The following UTRN variants were observed in gnomAD, a reference collection of about 807,000 sequenced individuals.
UTRN encodes utrophin.
In UTRN, 283 loss-of-function variants were observed where a neutral mutation model predicts 463.9. The observed-to-expected ratio is 0.61, with a 90% CI of 0.55 to 0.67. The LOEUF (loss-of-function observed/expected upper bound fraction) is 0.67. Among genes scored for constraint, UTRN ranks in the 30% least tolerant of loss-of-function variants. The pLI, the probability that UTRN is intolerant of heterozygous loss-of-function variation, is 0.00. For synonymous variants in UTRN, 1,442 were observed against 1,431.5 expected, an observed-to-expected ratio of 1.01 and a Z score of -0.17; for missense variants, 3,922 against 4,084.3, an observed-to-expected ratio of 0.96 and a Z score of 1.08.
intron 2 of UTRN, among the ~76,000 whole-genome samples, chr6:144,332,813 C>A (rs1776431063): frequency 6.6e-6 from 1 of 151,962 alleles, no homozygotes; most frequent in Admixed American, 6.6e-5. Context: ...GTGCTTTGAA[C>A]ACTTTATTCT....
intron 51 of UTRN, among the ~76,000 whole-genome samples, chr6:144,586,191 T>C (rs901920180): frequency 1.3e-5 from 2 of 152,112 alleles, no homozygotes; most frequent in Non-Finnish European, 2.9e-5. Flanking sequence ...GTGGGTTTTC[T>C]TGTATGTTTC....
At chr6:144,808,276 G>A (rs932317637) in intron 65 of UTRN, among the ~76,000 whole-genome samples, 1 of 113,776 alleles carries the variant, frequency 8.8e-6, no homozygotes, top group Non-Finnish European at 1.6e-5. Context: ...CAAGAGAGTA[G>A]TCAATTTTTT....
chr6:144,586,469 A>C (rs1470773142), intron 51 of UTRN, among the ~76,000 whole-genome samples: 2 of 152,146 alleles, frequency 1.3e-5, no homozygotes, highest in Non-Finnish European at 2.9e-5. Flanking sequence ...TTGTTTGCTT[A>C]GTTTCTTTAA....
intron 25 of UTRN, among the ~76,000 whole-genome samples, chr6:144,477,734 AG>A (rs1791384719): frequency 4.6e-5 from 7 of 152,162 alleles, no homozygotes; most frequent in African/African-American, 1.7e-4. Flanking sequence ...CTCTTATCCT[AG>A]CTAAATTCAA....
At chr6:144,745,586 A>ATTATGTAAT (rs1790637658) in intron 54 of UTRN, among the ~76,000 whole-genome samples, 1 of 152,132 alleles carries the variant, frequency 6.6e-6, no homozygotes, top group African/African-American at 2.4e-5. Flanking sequence ...TTGAGTGGGG[A>ATTATGTAAT]TTATGTAATA....
chr6:144,773,543 A>C (rs1775043931), intron 59 of UTRN, among the ~76,000 whole-genome samples: 1 of 152,244 alleles, frequency 6.6e-6, no homozygotes, highest in Non-Finnish European at 1.5e-5. Context: ...GAAAAGCACA[A>C]GAAATTTACT....
In UTRN at chr6:144,516,231, G is replaced by A. The variant is rs771965445; in HGVS notation, c.5247G>A (p.Leu1749=). The part of the protein sequence containing the change: ...KVSQHIKSAK[L]LIAQEPLYQC... ...AGAGAATTCTTTTCCTTCTACAGTTGCTAATTGCTCAGGAACCATTATACC... is the reference window on the plus strand; with the variant it reads ...AGAGAATTCTTTTCCTTCTACAGTTACTAATTGCTCAGGAACCATTATACC... The change falls in exon 38 of 75, where the codon TTG becomes TTA. Residue 1749 remains leucine, a splice_region_variant and synonymous_variant. Transcript: ENST00000367545. 1.2e-5 allele frequency: 19 copies of A among 1,610,864 alleles called. No homozygotes were observed. The highest frequency in any genetic ancestry group is 1.6e-5 in the Non-Finnish European group (19 of 1,179,350).
intron 2 of UTRN, among the ~76,000 whole-genome samples, chr6:144,356,914 G>A (rs1257264843): frequency 1.5e-5 from 2 of 134,900 alleles, no homozygotes; most frequent in Non-Finnish European, 3.1e-5. Flanking sequence ...CACACATACT[G>A]TTTATCAAGA....
At chr6:144,570,321 G>C (rs1800820970) in intron 50 of UTRN, among the ~76,000 whole-genome samples, 1 of 152,134 alleles carries the variant, frequency 6.6e-6, no homozygotes, top group Non-Finnish European at 1.5e-5. Flanking sequence ...CCACTCAGAG[G>C]ATTAATAATT....
At position 144,400,668 on chromosome 6, in the gene UTRN, T is replaced by C. The variant is rs149946417; in HGVS notation, c.80-2455T>C. Among the ~76,000 whole-genome samples, 210 of 152,296 alleles carry C rather than the reference T, an allele frequency of 1.4e-3. 1 individual carries two copies. Among genetic ancestry groups the C allele is most frequent in the African/African-American group, 4.7e-3 (197 of 41,574 alleles). ...AAAATGCAAACTAGTCTTTGAAATATGTACTCCCTTTTCCCCATTTTTAAC... is the reference window on the plus strand; with the variant it reads ...AAAATGCAAACTAGTCTTTGAAATACGTACTCCCTTTTCCCCATTTTTAAC... On this transcript the variant is annotated intron_variant, in intron 2 of 74. Coordinates refer to ENST00000367545, the MANE Select transcript of UTRN (RefSeq NM_007124.3).
chr6:144,426,562 T>C, intron 7 of UTRN, 103 bp downstream of exon 7: 1 of 1,185,330 alleles, frequency 8.4e-7, no homozygotes, highest in African/African-American at 1.6e-5. Flanking sequence ...CCAGTGCCAC[T>C]GCTCTCCTTT....
At chr6:144,720,149 C>G (rs1786959729) in intron 53 of UTRN, among the ~76,000 whole-genome samples, 1 of 152,236 alleles carries the variant, frequency 6.6e-6, no homozygotes, top group Admixed American at 6.5e-5. Context: ...TCAGTGATGT[C>G]AGCAACCCAG....
chr6:144,301,536 CTTTTTTTTTTTTTTTT>C (rs200484231), intron 2 of UTRN, among the ~76,000 whole-genome samples: 3 of 92,744 alleles, frequency 3.2e-5, no homozygotes, highest in Non-Finnish European at 4.3e-5. Context: ...TTCTTTCTTT[CTTTTTTTTTTTTTTTT>C]TTTTTTTTTG....
chr6:144,533,004 A>G (rs1797200935), intron 42 of UTRN, 81 bp from the exon 43 acceptor site: 4 of 679,774 alleles, frequency 5.9e-6, no homozygotes, highest in Non-Finnish European at 9.7e-6. Context: ...TTAAATTGAT[A>G]CCACAATACT....
In UTRN at chr6:144,464,857, C is replaced by T. The variant is rs182967250; in HGVS notation, c.3066+1991C>T. 1.1e-3 allele frequency among the ~76,000 whole-genome samples: 165 copies of T among 152,246 alleles called. 1 individual carries two copies. Among genetic ancestry groups the T allele is most frequent in the African/African-American group, 2.5e-3 (105 of 41,552 alleles). ...GTGTATTATGAGTTGCAATTGTTCC[C>T]GGCTTTCAAAATGAGCATTGGCCTT... is the stretch of plus-strand genomic sequence containing the variant. On this transcript the variant is annotated intron_variant, in intron 23 of 74. Coordinates refer to ENST00000367545, the MANE Select transcript of UTRN (RefSeq NM_007124.3).
chr6:144,392,978 G>A (rs1448174440), intron 2 of UTRN, among the ~76,000 whole-genome samples: 3 of 151,976 alleles, frequency 2.0e-5, no homozygotes, highest in Non-Finnish European at 4.4e-5. Context: ...TGCATCCAGG[G>A]CAAGGCTTTG....
At position 144,539,352 on chromosome 6, in the gene UTRN, A is replaced by T. The variant is rs201579558; in HGVS notation, c.6428A>T (p.Glu2143Val). The T allele has an allele frequency of 1.2e-4, 191 of 1,613,498 alleles. No individual in the cohort carries two copies. The highest frequency in any genetic ancestry group is 1.6e-4 in the Non-Finnish European group (183 of 1,179,780). Residue 2143 changes from glutamate (E) to valine (V), a missense_variant, in exon 45 of 75, where the codon GAA (glutamate) becomes GTA (valine). Physicochemically the swap from Glu to Val is moderately radical, Grantham distance 121. Transcript: ENST00000367545. ...AEKLKWLNRT[E>V]LEMLSDKSLS... is the part of the protein sequence containing the mutation. ...AAACTCAAATGGCTGAATAGAACTG[A>T]ATTGGAGATGCTTTCAGATAAAAGT...
intron 43 of UTRN, among the ~76,000 whole-genome samples, chr6:144,534,422 G>A (rs1459605340): frequency 6.6e-6 from 1 of 152,148 alleles, no homozygotes; most frequent in African/African-American, 2.4e-5. Context: ...TATGCTGTAC[G>A]AACTTGGAAA....
At chr6:144,326,738 A>G (rs1220391983) in intron 2 of UTRN, among the ~76,000 whole-genome samples, 1 of 152,180 alleles carries the variant, frequency 6.6e-6, no homozygotes, top group African/African-American at 2.4e-5. Context: ...CATCACTTGC[A>G]ACCATGGATG....
Sources: gnomAD v4.1 joint callset for allele counts (sites outside exome capture counted in the v4.1 genomes callset) on GRCh38, gnomAD v4.1.1 for gene constraint, MANE v1.5 for transcripts, NCBI Gene and HGNC (gene_info 2026-07-23, HGNC 2026-07-21) for gene names.